RNF180: variants seen among roughly 807,000 people sequenced by gnomAD.
The protein encoded by RNF180 is ring finger protein 180.
In RNF180, 38 loss-of-function variants were observed where a neutral mutation model predicts 59.2. The ratio of observed to expected loss-of-function variants is 0.64; its 90% CI spans 0.50 to 0.84. The LOEUF (loss-of-function observed/expected upper bound fraction) is 0.84, where lower values mean the gene tolerates loss of function less well. RNF180 is among the 40% of genes least tolerant of loss of function. RNF180 has a pLI of 0.00. For missense variants in RNF180, 705 were observed against 700.9 expected (o/e 1.01, Z -0.07); for synonymous variants, 262 against 240.3 (o/e 1.09, Z -0.84).
chr5:64,283,753 A>G (rs1373966165), intron 5 of RNF180, among the ~76,000 whole-genome samples: 2 of 152,174 alleles, frequency 1.3e-5, no homozygotes, highest in African/African-American at 2.4e-5. Context: ...AGGCCTCCCC[A>G]ACCATGCGGA....
rs117242347 is a variant in RNF180, at chr5:64,221,560, A to G, written c.1227+4164A>G. 2.5e-4 allele frequency among the ~76,000 whole-genome samples: 38 copies of G among 152,324 alleles called. No individual in the cohort carries two copies. In the East Asian group the frequency reaches 5.0e-3, roughly 20 times the overall value. ...ATTTTATTCTACCTTCTAGGAAGTC[A>G]TCATCTACTAGAATAAGATATAAAT... On this transcript the variant is annotated intron_variant, in intron 5 of 7. Coordinates refer to ENST00000389100, the MANE Select transcript of RNF180 (RefSeq NM_001113561.2).
chr5:64,190,401 G>C (rs529643436), intron 1 of RNF180, among the ~76,000 whole-genome samples: 14 of 152,090 alleles, frequency 9.2e-5, no homozygotes, highest in Non-Finnish European at 2.1e-4. Context: ...ATTTTGCCTC[G>C]TGATTAGTTA....
intron 5 of RNF180, among the ~76,000 whole-genome samples, chr5:64,220,618 G>C (rs1436394379): frequency 6.6e-6 from 1 of 151,912 alleles, no homozygotes; most frequent in Non-Finnish European, 1.5e-5. Context: ...GCTACCATTA[G>C]TATAGTTGCA....
At chr5:64,205,055 C>G (rs574202840) in intron 2 of RNF180, among the ~76,000 whole-genome samples, 1 of 152,160 alleles carries the variant, frequency 6.6e-6, no homozygotes, top group African/African-American at 2.4e-5. Flanking sequence ...GTCTCACATT[C>G]TTTGTCTCAG....
At chr5:64,209,511 A>G (rs1490594688) in intron 2 of RNF180, among the ~76,000 whole-genome samples, 2 of 151,264 alleles carry the variant, frequency 1.3e-5, no homozygotes, top group Admixed American at 6.6e-5. Flanking sequence ...GTATGTCTCT[A>G]CATGCTTTGT....
intron 6 of RNF180, among the ~76,000 whole-genome samples, chr5:64,327,193 G>A (rs551082485): frequency 4.0e-5 from 6 of 151,730 alleles, no homozygotes; most frequent in Non-Finnish European, 4.4e-5. Flanking sequence ...TCTTAGTCTA[G>A]CTAATAGTTT....
chr5:64,247,663 T>C (rs1484337771), intron 5 of RNF180, among the ~76,000 whole-genome samples: 1 of 152,104 alleles, frequency 6.6e-6, no homozygotes, highest in Non-Finnish European at 1.5e-5. Context: ...AGAATCAATA[T>C]CGTGAAAATG....
chr5:64,184,924 AT>A (rs891034990), intron 1 of RNF180, among the ~76,000 whole-genome samples: 16 of 152,146 alleles, frequency 1.1e-4, no homozygotes, highest in Non-Finnish European at 2.2e-4. Context: ...GATATCATTT[AT>A]TTTCATGGCT....
intron 1 of RNF180, among the ~76,000 whole-genome samples, chr5:64,167,995 C>T (rs1390525797): frequency 6.6e-6 from 1 of 152,152 alleles, no homozygotes; most frequent in African/African-American, 2.4e-5. Flanking sequence ...ATTTTCCCTC[C>T]TTAAACGTGC....
chr5:64,351,313 T>C (rs1490850975), intron 7 of RNF180, among the ~76,000 whole-genome samples: 2 of 152,142 alleles, frequency 1.3e-5, no homozygotes, highest in Non-Finnish European at 2.9e-5. Flanking sequence ...GCTGAGATGA[T>C]GGGGTTTTCT....
intron 7 of RNF180, among the ~76,000 whole-genome samples, chr5:64,362,809 G>T (rs1184164438): frequency 5.9e-5 from 9 of 151,750 alleles, no homozygotes; most frequent in Non-Finnish European, 1.0e-4. Flanking sequence ...GTATCTCATT[G>T]TGGTTTTGAT....
chr5:64,349,985 C>A (rs1299439705), intron 7 of RNF180, among the ~76,000 whole-genome samples: 3 of 152,146 alleles, frequency 2.0e-5, no homozygotes, highest in Non-Finnish European at 4.4e-5. Flanking sequence ...CTTGAGGAAT[C>A]ACCACATTGT....
At chr5:64,243,776 C>T (rs759633438) in intron 5 of RNF180, among the ~76,000 whole-genome samples, 5 of 152,158 alleles carry the variant, frequency 3.3e-5, no homozygotes, top group Admixed American at 6.5e-5. Context: ...GGGTCCCTGA[C>T]CCCCGAGTCT....
intron 5 of RNF180, among the ~76,000 whole-genome samples, chr5:64,286,276 C>T (rs1742277785): frequency 6.6e-6 from 1 of 152,110 alleles, no homozygotes; most frequent in Non-Finnish European, 1.5e-5. Flanking sequence ...CTATGGAGAA[C>T]CTTGAAGGTG....
At chr5:64,312,534 T>TA (rs1488444429) in intron 5 of RNF180, among the ~76,000 whole-genome samples, 4 of 151,780 alleles carry the variant, frequency 2.6e-5, no homozygotes, top group Admixed American at 1.3e-4. Context: ...GCATCTCTGT[T>TA]CAATCAGACA....
chr5:64,249,211 C>A (rs1401430958), intron 5 of RNF180, among the ~76,000 whole-genome samples: 1 of 152,064 alleles, frequency 6.6e-6, no homozygotes, highest in Non-Finnish European at 1.5e-5. Flanking sequence ...ATGTAACAAT[C>A]CTGCACATTC....
chr5:64,255,311 G>A (rs967592382), intron 5 of RNF180, among the ~76,000 whole-genome samples: 17 of 151,996 alleles, frequency 1.1e-4, no homozygotes, highest in Admixed American at 6.6e-5. Context: ...CCATTAACTC[G>A]TCATTTACAT....
intron 5 of RNF180, among the ~76,000 whole-genome samples, chr5:64,312,677 CT>C (rs1332431260): frequency 6.6e-6 from 1 of 152,064 alleles, no homozygotes; most frequent in Admixed American, 6.6e-5. Flanking sequence ...ATTATCTCTA[CT>C]TTTCTGTGCT....
intron 5 of RNF180, among the ~76,000 whole-genome samples, chr5:64,316,855 T>G (rs1744063224): frequency 6.6e-6 from 1 of 152,150 alleles, no homozygotes; most frequent in South Asian, 2.1e-4. Context: ...AATACAGATA[T>G]GTCCCTCAAT....
Sources: gnomAD v4.1 joint callset for allele counts (sites outside exome capture counted in the v4.1 genomes callset) on GRCh38, gnomAD v4.1.1 for gene constraint, MANE v1.5 for transcripts, NCBI Gene and HGNC (gene_info 2026-07-23, HGNC 2026-07-21) for gene names.